KDM4C: variants seen among roughly 807,000 people sequenced by gnomAD.
KDM4C encodes the protein lysine-specific demethylase 4C.
A neutral mutation model predicts 129.3 loss-of-function variants in KDM4C; 81 were observed. The observed-to-expected ratio is 0.63, with a 90% CI of 0.52 to 0.75. KDM4C has a LOEUF of 0.75. Ranked by LOEUF, KDM4C falls within the 30% of genes least tolerant of loss-of-function variation. The pLI is 0.00. For missense variants in KDM4C, 1,457 were observed against 1,304.0 expected (o/e 1.12, Z -1.81); for synonymous variants, 573 against 456.1 (o/e 1.26, Z -3.26).
chr9:7,083,174 C>T (rs1021819638), intron 17 of KDM4C, among the ~76,000 whole-genome samples: 2 of 152,114 alleles, frequency 1.3e-5, no homozygotes, highest in Non-Finnish European at 2.9e-5. Flanking sequence ...TATCTCTTAT[C>T]CAAAATTCTT....
intron 17 of KDM4C, among the ~76,000 whole-genome samples, chr9:7,085,491 T>A (rs1835005852): frequency 6.6e-6 from 1 of 152,150 alleles, no homozygotes; most frequent in Admixed American, 6.5e-5. Flanking sequence ...TTAACCTGAC[T>A]TTTACACTGT....
At chr9:7,080,771 CTTAAAG>C (rs1289992567) in intron 17 of KDM4C, among the ~76,000 whole-genome samples, 3 of 152,148 alleles carry the variant, frequency 2.0e-5, no homozygotes, top group Admixed American at 1.3e-4. Flanking sequence ...TCTATTTCAC[CTTAAAG>C]TTAAAAACAG....
At chr9:6,993,046 C>T (rs894012710) in intron 12 of KDM4C, among the ~76,000 whole-genome samples, 1 of 152,146 alleles carries the variant, frequency 6.6e-6, no homozygotes, top group Non-Finnish European at 1.5e-5. Context: ...TAACCTGAAA[C>T]ACCATAGATC....
At chr9:7,170,855 C>T in intron 21 of KDM4C, 1 of 702,160 alleles carries the variant, frequency 1.4e-6, no homozygotes, top group Non-Finnish European at 1.7e-6. Context: ...CTGGGCCATA[C>T]TTGAAGAAGA....
rs935431218 is a variant in KDM4C at position 7,142,484 on chromosome 9, G to A, written c.2781+14248G>A. Among the ~76,000 whole-genome samples the A allele has an allele frequency of 1.1e-4, 16 of 152,114 alleles. No individual in the cohort carries two copies. The South Asian group carries it at 1.9e-3, about 18-fold the overall frequency. ...TCCCTCATCATGAACCAGTGTAGAG[G>A]CTGATGCATCTGCTATGTTGCCCTG... On this transcript the variant is annotated intron_variant, in intron 19 of 21. Transcript: ENST00000381309.
intron 4 of KDM4C, among the ~76,000 whole-genome samples, chr9:6,827,542 A>C (rs1834095341): frequency 6.6e-6 from 1 of 152,254 alleles, no homozygotes; most frequent in Non-Finnish European, 1.5e-5. Flanking sequence ...TTCATCCAGC[A>C]GATGGTGCTC....
intron 8 of KDM4C, among the ~76,000 whole-genome samples, chr9:6,960,706 T>C (rs1294403954): frequency 6.6e-6 from 1 of 152,234 alleles, no homozygotes; most frequent in Non-Finnish European, 1.5e-5. Flanking sequence ...GTCCCATATC[T>C]GAATGCCCAC....
chr9:6,899,949 A>T (rs550911085), intron 8 of KDM4C, among the ~76,000 whole-genome samples: 2 of 152,362 alleles, frequency 1.3e-5, no homozygotes, highest in African/African-American at 4.8e-5. Flanking sequence ...ACCTTAAAAG[A>T]AAGTAAATTT....
At position 6,984,260 on chromosome 9, in the gene KDM4C, G is replaced by T; in HGVS notation, c.1210G>T (p.Asp404Tyr). 1.2e-6 allele frequency: 2 copies of T among 1,613,898 alleles called. No homozygotes were observed. Among genetic ancestry groups the T allele is most frequent in the South Asian group, 1.1e-5 (1 of 91,030 alleles). ...CGATGGGGCAGAGGTCCCTAACCCC[G>T]ACTCAGTCACAGATGACCTCAAGGT... ...EVDGAEVPNP[D>Y]SVTDDLKVSE... Residue 404 changes from aspartate (D) to tyrosine (Y), a missense_variant, in exon 10 of 22, where the codon GAC becomes TAC. Coordinates refer to ENST00000381309, the MANE Select transcript of KDM4C (RefSeq NM_015061.6).
chr9:7,003,074 C>T lies in KDM4C; in HGVS notation c.1787-8624C>T, dbSNP rs143546925. Among the ~76,000 whole-genome samples the T allele has an allele frequency of 3.4e-3, 517 of 152,286 alleles. 3 individuals carry two copies. Among genetic ancestry groups the T allele is most frequent in the African/African-American group, 0.012 (482 of 41,568 alleles). ...AGAGACTGGATTTCACCATGTTTGT[C>T]AGGCTGGTCTCGAACTCCTGACCTC... On this transcript the variant is annotated intron_variant, in intron 12 of 21. Transcript: ENST00000381309.
At chr9:7,072,139 A>G (rs1467381755) in intron 17 of KDM4C, among the ~76,000 whole-genome samples, 1 of 152,200 alleles carries the variant, frequency 6.6e-6, no homozygotes, top group Non-Finnish European at 1.5e-5. Context: ...CAGTGTTAAG[A>G]TAACTGACAG....
rs754917270 is a variant in KDM4C, at chr9:6,986,478, C to T, written c.1489C>T (p.Pro497Ser). 1.2e-6 allele frequency: 2 copies of T among 1,614,064 alleles called. No individual in the cohort carries two copies. The highest frequency in any genetic ancestry group is 1.7e-6 in the Non-Finnish European group (2 of 1,180,010). Reference protein sequence around the residue: ...SIPLSSGYEKPEKSDPSELSW... With the variant: ...SIPLSSGYEKSEKSDPSELSW... ...TCCATTGTCTAGTGGCTATGAGAAG[C>T]CCGAGAAATCAGACCCATCCGAGCT... The change falls in exon 11 of 22, where the codon CCC (proline) becomes TCC (serine). Residue 497 changes from proline (P) to serine (S), a missense_variant. Physicochemically the swap from Pro to Ser is moderately conservative, Grantham distance 74. Transcript: ENST00000381309.
At chr9:6,788,138 C>T (rs1030879355) in intron 1 of KDM4C, among the ~76,000 whole-genome samples, 1 of 152,154 alleles carries the variant, frequency 6.6e-6, no homozygotes, top group Non-Finnish European at 1.5e-5. Context: ...CTTCCCTTGC[C>T]TACCCTGTAT....
At chr9:6,886,833 G>A (rs1414948361) in intron 6 of KDM4C, among the ~76,000 whole-genome samples, 1 of 152,084 alleles carries the variant, frequency 6.6e-6, no homozygotes, top group East Asian at 1.9e-4. Flanking sequence ...TGTTAGGCTT[G>A]TCCCAAACTC....
intron 19 of KDM4C, among the ~76,000 whole-genome samples, chr9:7,161,979 T>C (rs1403158781): frequency 1.3e-5 from 2 of 152,202 alleles, no homozygotes; most frequent in Admixed American, 6.5e-5. Flanking sequence ...AATAAGCTCT[T>C]TTATGTTTTA....
At chr9:6,991,775 C>T (rs930921428) in intron 12 of KDM4C, among the ~76,000 whole-genome samples, 4 of 152,174 alleles carry the variant, frequency 2.6e-5, no homozygotes, top group Admixed American at 1.3e-4. Flanking sequence ...GTGGCTGACT[C>T]CTGCAGTCCC....
intron 5 of KDM4C, among the ~76,000 whole-genome samples, chr9:6,866,318 T>C (rs979615267): frequency 6.6e-6 from 1 of 152,222 alleles, no homozygotes; most frequent in Non-Finnish European, 1.5e-5. Context: ...TACTGTTTCC[T>C]TTTTGGTTCC....
chr9:6,745,701 T>C (rs954306781), intron 1 of KDM4C, among the ~76,000 whole-genome samples: 1 of 152,072 alleles, frequency 6.6e-6, no homozygotes, highest in South Asian at 2.1e-4. Context: ...TGCAGTGGCG[T>C]GATCTTGGCT....
chr9:7,092,268 A>G (rs1302321928), intron 17 of KDM4C, among the ~76,000 whole-genome samples: 1 of 152,172 alleles, frequency 6.6e-6, no homozygotes, highest in Non-Finnish European at 1.5e-5. Context: ...TGAGGCTCAG[A>G]GGGACATGGT....
Sources: gnomAD v4.1 joint callset for allele counts (sites outside exome capture counted in the v4.1 genomes callset) on GRCh38, gnomAD v4.1.1 for gene constraint, MANE v1.5 for transcripts, NCBI Gene and HGNC (gene_info 2026-07-23, HGNC 2026-07-21) for gene names.